The following DNAH7 variants were observed in gnomAD, a reference collection of about 807,000 sequenced individuals.
DNAH7 encodes axonemal beta dynein heavy chain 7.
Under a neutral mutation model 444.6 loss-of-function variants are expected in DNAH7, and 397 were observed. The observed-to-expected ratio is 0.89, with a 90% CI of 0.82 to 0.97. The LOEUF (loss-of-function observed/expected upper bound fraction) is 0.97. Among genes scored for constraint, DNAH7 ranks in the 50% least tolerant of loss-of-function variants. The probability of loss-of-function intolerance (pLI) is 0.00; values close to 1 mark genes in which losing one functional copy is unlikely to be tolerated. For missense variants in DNAH7, 4,902 were observed against 4,800.8 expected (o/e 1.02, Z -0.62); for synonymous variants, 1,636 against 1,624.4 (o/e 1.01, Z -0.17).
In DNAH7 at chr2:195,998,959, A is replaced by G. The variant is rs1693873938; in HGVS notation, c.1353+1745T>C. 4.9e-6 allele frequency: 3 copies of G among 609,230 alleles called. No homozygotes were observed. The East Asian group carries it at 8.2e-5, about 17-fold the overall frequency. The allele number at this position is 609,230 out of a possible 1,614,324, so 37.7% of individuals were successfully genotyped here. A position where few individuals can be genotyped will look rare whatever the true frequency, so the allele number is the denominator to read the frequency against. Reference sequence around the variant, plus strand: ...GAGTTGAAAGGTCATTATGTGCAGAAGTGAGCAGCTGCCCTGGGGACCCTG... The same window carrying G: ...GAGTTGAAAGGTCATTATGTGCAGAGGTGAGCAGCTGCCCTGGGGACCCTG... On this transcript the variant is annotated intron_variant, in intron 12 of 64. Transcript: ENST00000312428.
Position 195,737,849 on chromosome 2 carries a change from T to C in DNAH7, c.*72A>G. ...ATTTAAACAAACAAAAAAAAAGGTT[T>C]AAGTAGTAAAATATGCTTTCTCTAC... is the stretch of plus-strand genomic sequence containing the variant. On this transcript the variant is annotated 3_prime_UTR_variant, in exon 65 of 65. Transcript: ENST00000312428. 3 of 1,368,380 alleles carry C rather than the reference T, an allele frequency of 2.2e-6. No individual in the cohort carries two copies. The highest frequency in any genetic ancestry group is 2.0e-6 in the Non-Finnish European group (2 of 996,504). 84.8% of individuals were successfully genotyped at this position (1,368,380 alleles called of 1,614,324 possible).
At chr2:196,013,042 TAAAG>T (rs1316548277) in intron 9 of DNAH7, 136 bp from the exon 10 acceptor site, 2 of 550,810 alleles carry the variant, frequency 3.6e-6, no homozygotes, top group Non-Finnish European at 5.7e-6. Context: ...AATTAAATGT[TAAAG>T]AACACAAGAT....
intron 12 of DNAH7, among the ~76,000 whole-genome samples, chr2:195,993,783 C>T (rs1005415165): frequency 2.0e-5 from 3 of 152,156 alleles, no homozygotes; most frequent in African/African-American, 7.2e-5. Context: ...GCGGCAGTTC[C>T]ATTCCATATT....
intron 1 of DNAH7, 108 bp downstream of exon 1, chr2:196,068,589 C>T (rs552334098): frequency 1.4e-4 from 197 of 1,422,516 alleles, no homozygotes; most frequent in Middle Eastern, 1.8e-4. Context: ...CTGTACACCG[C>T]GGAGTCACAG....
intron 63 of DNAH7, among the ~76,000 whole-genome samples, chr2:195,742,239 C>G (rs1350888365): frequency 6.6e-6 from 1 of 152,108 alleles, no homozygotes; most frequent in African/African-American, 2.4e-5. Flanking sequence ...GTCCATCAGT[C>G]ACCAAAACAG....
chr2:195,925,772 A>G (rs1258961113), intron 22 of DNAH7, among the ~76,000 whole-genome samples: 1 of 152,186 alleles, frequency 6.6e-6, no homozygotes, highest in Non-Finnish European at 1.5e-5. Context: ...CTACAGATCT[A>G]TATTTGCTAG....
chr2:195,932,132 C>T (rs1402112987), intron 21 of DNAH7, among the ~76,000 whole-genome samples: 1 of 152,092 alleles, frequency 6.6e-6, no homozygotes, highest in African/African-American at 2.4e-5. Flanking sequence ...TTGAAGAGGT[C>T]CTTCACATCC....
chr2:195,868,205 C>T (rs1428396769), intron 40 of DNAH7, among the ~76,000 whole-genome samples: 5 of 149,344 alleles, frequency 3.3e-5, no homozygotes, highest in Non-Finnish European at 7.4e-5. Context: ...ATGCCATTCT[C>T]CTGCCTCAGC....
intron 61 of DNAH7, among the ~76,000 whole-genome samples, chr2:195,770,863 A>G (rs1454632679): frequency 6.9e-6 from 1 of 145,508 alleles, no homozygotes; most frequent in African/African-American, 2.6e-5. Flanking sequence ...CACAATGCCC[A>G]GCATTTTTTT....
Position 195,754,349 on chromosome 2 carries a change from G to A in DNAH7, c.11752C>T (p.Pro3918Ser). Residue 3918 changes from proline to serine, a missense_variant, in exon 63 of 65, where the codon CCT becomes TCT. Pro to Ser is a moderately conservative substitution (Grantham distance 74). Transcript: ENST00000312428. ...EVMEDKEYKH[P>S]PEDGVFIHGL... Reference sequence around the variant, plus strand: ...TCCCTGCACTTACCATCCTCAGGAGGATGCTTGTATTCTTTGTCTTCCATC... The same window carrying A: ...TCCCTGCACTTACCATCCTCAGGAGAATGCTTGTATTCTTTGTCTTCCATC... 1 of 1,613,806 alleles carries A rather than the reference G, an allele frequency of 6.2e-7. No individual in the cohort carries two copies. The highest frequency in any genetic ancestry group is 8.5e-7 in the Non-Finnish European group (1 of 1,179,806).
chr2:195,948,770 T>C (rs1027651584), intron 19 of DNAH7, among the ~76,000 whole-genome samples: 1 of 152,016 alleles, frequency 6.6e-6, no homozygotes, highest in Non-Finnish European at 1.5e-5. Context: ...GTCTTGGCTA[T>C]AAGGGCTCTT....
rs1690152507 is a variant in DNAH7, at chr2:195,950,527, G to A, written c.3078+6734C>T. Among the ~76,000 whole-genome samples the A allele has an allele frequency of 2.6e-5, 4 of 152,014 alleles. 1 individual carries two copies. The highest frequency in any genetic ancestry group is 9.6e-5 in the African/African-American group (4 of 41,472). ...TTCTTCTTCATTAGTCTGGCTAGCAGTCTATCTATTTTGTTAATCTTTCCA... is the reference window on the plus strand; with the variant it reads ...TTCTTCTTCATTAGTCTGGCTAGCAATCTATCTATTTTGTTAATCTTTCCA... On this transcript the variant is annotated intron_variant, in intron 19 of 64. Transcript: ENST00000312428.
Position 195,960,477 on chromosome 2 carries a change from T to G in DNAH7, c.2674A>C (p.Ser892Arg). The change falls in exon 18 of 65, where the codon AGT becomes CGT. Residue 892 changes from serine to arginine, a missense_variant. Ser to Arg is a moderately radical substitution (Grantham distance 110, BLOSUM62 -1). Transcript: ENST00000312428. Reference sequence around the variant, plus strand: ...GAATATTCTTTGCTAGCTGCTTCACTAATACCTTCAAATCGGTCTATATAT... The same window carrying G: ...GAATATTCTTTGCTAGCTGCTTCACGAATACCTTCAAATCGGTCTATATAT... Reference protein sequence around the residue: ...EPYIDRFEGISEAASKEYSLE... With the variant: ...EPYIDRFEGIREAASKEYSLE... The G allele has an allele frequency of 1.2e-6, 2 of 1,614,204 alleles. No homozygotes were observed. Among genetic ancestry groups the G allele is most frequent in the Non-Finnish European group, 1.7e-6 (2 of 1,180,024 alleles).
At chr2:196,009,799 C>CA (rs928809066) in intron 10 of DNAH7, among the ~76,000 whole-genome samples, 2 of 152,122 alleles carry the variant, frequency 1.3e-5, no homozygotes, top group African/African-American at 4.8e-5. Flanking sequence ...ATAGAGAACT[C>CA]AAACAACTCA....
At chr2:195,760,655 G>A (rs1438806140) in intron 61 of DNAH7, among the ~76,000 whole-genome samples, 1 of 152,098 alleles carries the variant, frequency 6.6e-6, no homozygotes, top group Non-Finnish European at 1.5e-5. Context: ...GAAGTCTTCT[G>A]AACCTTATCC....
At chr2:195,936,553 T>A in intron 20 of DNAH7, 46 bp downstream of exon 20, 1 of 1,384,672 alleles carries the variant, frequency 7.2e-7, no homozygotes, top group Non-Finnish European at 9.8e-7. Flanking sequence ...AAAATTAAGT[T>A]TAAGCAGATA....
intron 63 of DNAH7, among the ~76,000 whole-genome samples, chr2:195,750,451 T>C (rs1298676966): frequency 6.6e-6 from 1 of 152,194 alleles, no homozygotes; most frequent in African/African-American, 2.4e-5. Flanking sequence ...CTCTGCGTAT[T>C]ATAATAATAC....
chr2:195,943,646 C>G (rs1689613561), intron 19 of DNAH7, among the ~76,000 whole-genome samples: 1 of 152,122 alleles, frequency 6.6e-6, no homozygotes. Context: ...ATAGTAATTC[C>G]TTCCATAATT....
In DNAH7 at chr2:195,913,784, G is replaced by A. The variant is rs542212497; in HGVS notation, c.3936-3589C>T. On this transcript the variant is annotated intron_variant, in intron 24 of 64. Transcript: ENST00000312428. ...GGCTGGAGTGCAGTGGCGCAATCTCGGCTCACTGCAACCCTCCGCCTCCCG... is the reference window on the plus strand; with the variant it reads ...GGCTGGAGTGCAGTGGCGCAATCTCAGCTCACTGCAACCCTCCGCCTCCCG... Among the ~76,000 whole-genome samples the A allele has an allele frequency of 7.2e-5, 11 of 152,200 alleles. No individual in the cohort carries two copies. The East Asian group carries it at 1.7e-3, about 24-fold the overall frequency.
Sources: allele counts gnomAD v4.1 joint callset (sites outside exome capture counted in the v4.1 genomes callset), GRCh38; gene constraint gnomAD v4.1.1; transcripts MANE v1.5; gene names NCBI Gene and HGNC (gene_info 2026-07-23, HGNC 2026-07-21).